The following GSR variants were observed in gnomAD, a reference collection of about 807,000 sequenced individuals.
GSR encodes the protein glutathione-disulfide reductase.
GSR carries 48 observed loss-of-function variants against 56.5 expected under a neutral mutation model. The ratio of observed to expected loss-of-function variants is 0.85; its 90% CI spans 0.67 to 1.08. GSR has a LOEUF of 1.08. Ranked by LOEUF, GSR falls within the 50% of genes least tolerant of loss-of-function variation. GSR has a pLI of 0.00. For missense variants in GSR, 694 were observed against 703.3 expected, an observed-to-expected ratio of 0.99 and a Z score of 0.15; for synonymous variants, 264 against 270.8, an observed-to-expected ratio of 0.97 and a Z score of 0.25.
At chr8:30,706,708 T>C (rs1042308812) in intron 4 of GSR, among the ~76,000 whole-genome samples, 1 of 152,146 alleles carries the variant, frequency 6.6e-6, no homozygotes, top group Non-Finnish European at 1.5e-5. Context: ...AGCATCAGGA[T>C]AGTGAAGGAT....
Sources: allele counts gnomAD v4.1 joint callset (sites outside exome capture counted in the v4.1 genomes callset), GRCh38; gene constraint gnomAD v4.1.1; transcripts MANE v1.5; gene names NCBI Gene and HGNC (gene_info 2026-07-23, HGNC 2026-07-21).